NVL: variants seen among roughly 807,000 people sequenced by gnomAD.
NVL encodes nuclear valosin-containing protein-like.
Under a neutral mutation model 110.2 loss-of-function variants are expected in NVL, and 84 were observed. That is an observed-to-expected ratio of 0.76 (90% CI 0.64 to 0.91). The LOEUF is 0.91. NVL is among the 40% of genes least tolerant of loss of function. The probability of loss-of-function intolerance (pLI) is 0.00; values close to 1 mark genes in which losing one functional copy is unlikely to be tolerated. For missense variants in NVL, 882 were observed against 1,035.9 expected, an observed-to-expected ratio of 0.85 and a Z score of 2.04; for synonymous variants, 354 against 361.1, an observed-to-expected ratio of 0.98 and a Z score of 0.22.
At chr1:224,269,950 T>TG (rs398103755) in intron 17 of NVL, 1 of 149,926 alleles carries the variant, frequency 6.7e-6, no homozygotes, top group Non-Finnish European at 1.5e-5. Flanking sequence ...TTTTTTTTTT[T>TG]GTAGAGCCGG....
chr1:224,227,808 T>C, intron 22 of NVL, 138 bp from the exon 23 acceptor site: 4 of 592,602 alleles, frequency 6.7e-6, no homozygotes, highest in Middle Eastern at 5.6e-4. Flanking sequence ...AGGGTCTTTA[T>C]AGAGGAGACT....
At chr1:224,241,448 C>T (rs1035770587) in intron 19 of NVL, among the ~76,000 whole-genome samples, 10 of 151,916 alleles carry the variant, frequency 6.6e-5, no homozygotes, top group Admixed American at 3.9e-4. Context: ...ATCTCTATTA[C>T]GATAATATTA....
chr1:224,249,731 C>T (rs548749714), intron 19 of NVL, among the ~76,000 whole-genome samples: 48 of 151,952 alleles, frequency 3.2e-4, no homozygotes, highest in Admixed American at 4.6e-4. Context: ...GGTGACAGAG[C>T]AAGACTCTGC....
chr1:224,283,270 G>A (rs746831616), intron 15 of NVL, among the ~76,000 whole-genome samples: 13 of 152,222 alleles, frequency 8.5e-5, no homozygotes, highest in Non-Finnish European at 7.4e-5. Context: ...GGTGGATCAC[G>A]AGGTCAGGAG....
chr1:224,287,677 G>T, intron 14 of NVL, 98 bp downstream of exon 14: 1 of 913,840 alleles, frequency 1.1e-6, no homozygotes, highest in Non-Finnish European at 1.7e-6. Context: ...TTATAGTCAA[G>T]TCAGTTTAGC....
At position 224,313,958 on chromosome 1, in the gene NVL, G is replaced by T. The variant is rs150596582; in HGVS notation, c.285-2101C>A. Among the ~76,000 whole-genome samples, 5 of 152,236 alleles carry T rather than the reference G, an allele frequency of 3.3e-5. No homozygotes were observed. The East Asian group carries it at 9.6e-4, about 29-fold the overall frequency. Reference sequence around the variant, plus strand: ...GCAGAGGATGCAGTGAGTCGAGATCGCACCACTGGACTCCAGCCTGGGTGA... The same window carrying T: ...GCAGAGGATGCAGTGAGTCGAGATCTCACCACTGGACTCCAGCCTGGGTGA... On this transcript the variant is annotated intron_variant, in intron 4 of 22. Transcript: ENST00000281701.
At chr1:224,270,358 ACCAGCCTGG>A (rs1390231331) in intron 17 of NVL, among the ~76,000 whole-genome samples, 1 of 152,088 alleles carries the variant, frequency 6.6e-6, no homozygotes, top group Non-Finnish European at 1.5e-5. Context: ...GGAGTGCAAG[ACCAGCCTGG>A]CCAACATGGC....
chr1:224,310,410 C>A (rs946530193), intron 5 of NVL, among the ~76,000 whole-genome samples: 1 of 152,130 alleles, frequency 6.6e-6, no homozygotes, highest in Non-Finnish European at 1.5e-5. Context: ...ATATTATCTC[C>A]ATATTCTCCT....
In NVL at chr1:224,281,277, C is replaced by CTGTGTGTG. The variant is rs774683945; in HGVS notation, c.1900-93_1900-92insCACACACA. 4.0e-3 allele frequency: 3,309 copies of CTGTGTGTG among 837,250 alleles called. 28 individuals are homozygous for CTGTGTGTG. Among genetic ancestry groups the CTGTGTGTG allele is most frequent in the East Asian group, 0.02 (752 of 37,632 alleles). 51.9% of individuals were successfully genotyped at this position (837,250 alleles called of 1,614,324 possible). A position where few individuals can be genotyped will look rare whatever the true frequency, so the allele number is the denominator to read the frequency against. ...GATGATGTGTGACAATGAAAGGACT[C>CTGTGTGTG]TGTGTGCGTGTGTGTGTGTGTGTGT... On this transcript the variant is annotated intron_variant, in intron 15 of 22. Coordinates refer to ENST00000281701, the MANE Select transcript of NVL (RefSeq NM_002533.4).
intron 19 of NVL, among the ~76,000 whole-genome samples, chr1:224,237,775 C>T (rs543360466): frequency 3.0e-4 from 41 of 135,162 alleles, no homozygotes; most frequent in African/African-American, 9.0e-4. Flanking sequence ...TGCAGTGGTG[C>T]GATCTTGGCT....
At chr1:224,279,000 T>C (rs78569132) in intron 16 of NVL, among the ~76,000 whole-genome samples, 9,693 of 152,184 alleles carry the variant, frequency 0.064, 379 homozygotes, top group African/African-American at 0.1. Flanking sequence ...GCTGGGATTA[T>C]AGGTGTGAGC....
At chr1:224,280,230 T>C (rs1214289192) in intron 16 of NVL, among the ~76,000 whole-genome samples, 2 of 150,454 alleles carry the variant, frequency 1.3e-5, no homozygotes, top group Non-Finnish European at 1.5e-5. Flanking sequence ...ATTATATTAC[T>C]CTTTGGAATT....
chr1:224,233,264 G>C lies in NVL; in HGVS notation c.2392C>G (p.Arg798Gly), dbSNP rs201381012. 1.9e-6 allele frequency: 3 copies of C among 1,611,634 alleles called. No homozygotes were observed. The highest frequency in any genetic ancestry group is 4.5e-5 in the East Asian group (2 of 44,796). The change falls in exon 21 of 23, where the codon CGA (arginine) becomes GGA (glycine). Residue 798 changes from arginine (R) to glycine (G), a missense_variant. Around this residue, in one of 4 missense-constraint regions of NVL, gnomAD observed 126 missense variants for 140.7 expected, o/e 0.90. Transcript: ENST00000281701. ...YTGADLSALV[R>G]EASICALRQE... ...CTCAGGGCACAGATAGAAGCTTCTCGTACCAAAGCAGAGAGATCTGCGCCC... is the reference window on the plus strand; with the variant it reads ...CTCAGGGCACAGATAGAAGCTTCTCCTACCAAAGCAGAGAGATCTGCGCCC...
chr1:224,316,726 A>G lies in NVL; in HGVS notation c.284+968T>C, dbSNP rs1268538870. 3.9e-5 allele frequency among the ~76,000 whole-genome samples: 6 copies of G among 152,034 alleles called. No homozygotes were observed. In the East Asian group the frequency reaches 1.2e-3, roughly 29 times the overall value. On this transcript the variant is annotated intron_variant, in intron 4 of 22. Coordinates refer to ENST00000281701, the MANE Select transcript of NVL (RefSeq NM_002533.4). ...GAAGCAGGGGTGGAGGGAGAAATGA[A>G]TTGCAAAGCGGAACAAGAAGACTTT...
intron 19 of NVL, among the ~76,000 whole-genome samples, chr1:224,241,112 T>C (rs1222819536): frequency 4.6e-5 from 7 of 152,292 alleles, no homozygotes; most frequent in African/African-American, 1.4e-4. Context: ...TTTGAGGGCA[T>C]GAGGTGTGCT....
chr1:224,234,171 C>G (rs935115657), intron 20 of NVL, among the ~76,000 whole-genome samples: 5 of 149,626 alleles, frequency 3.3e-5, no homozygotes, highest in African/African-American at 7.4e-5. Context: ...AAATACAAAA[C>G]AGGCCTTCAC....
intron 22 of NVL, among the ~76,000 whole-genome samples, chr1:224,228,764 C>A (rs1438267817): frequency 6.7e-6 from 1 of 148,538 alleles, no homozygotes; most frequent in African/African-American, 2.5e-5. Context: ...ATGGTGAAAC[C>A]CTGTCTCTAC....
At chr1:224,313,866 G>A (rs1669796631) in intron 4 of NVL, among the ~76,000 whole-genome samples, 1 of 152,142 alleles carries the variant, frequency 6.6e-6, no homozygotes, top group Non-Finnish European at 1.5e-5. Context: ...GGCCAGCAGT[G>A]GTGGTGGGTG....
chr1:224,306,338 C>A (rs1043748920), intron 6 of NVL, among the ~76,000 whole-genome samples: 1 of 152,088 alleles, frequency 6.6e-6, no homozygotes, highest in Admixed American at 6.5e-5. Flanking sequence ...ACGATCTCAG[C>A]GCACTGCAAG....
Sources: allele counts gnomAD v4.1 joint callset (sites outside exome capture counted in the v4.1 genomes callset), GRCh38; gene constraint gnomAD v4.1.1; regional missense constraint gnomAD v4.1.1; transcripts MANE v1.5; gene names NCBI Gene and HGNC (gene_info 2026-07-23, HGNC 2026-07-21).